Variants in SUFU observed in about 807,000 individuals in gnomAD.
The protein encoded by SUFU is SUFU negative regulator of hedgehog signaling.
Under a neutral mutation model 58.9 loss-of-function variants are expected in SUFU, and 7 were observed. The observed-to-expected ratio is 0.12, with a 90% confidence interval of 0.07 to 0.22. SUFU has a LOEUF of 0.22. Among genes scored for constraint, SUFU ranks in the 10% least tolerant of loss-of-function variants. The pLI, the probability that SUFU is intolerant of heterozygous loss-of-function variation, is 1.00. For missense variants in SUFU, 451 were observed against 641.3 expected, an observed-to-expected ratio of 0.70 and a Z score of 3.20; for synonymous variants, 232 against 254.8, an observed-to-expected ratio of 0.91 and a Z score of 0.85.
rs568463403 is a variant in SUFU, at chr10:102,504,449, A to C, written c.182+115A>C. The C allele has an allele frequency of 3.3e-4, 505 of 1,527,086 alleles. 4 individuals carry two copies. In the South Asian group the frequency reaches 5.6e-3, roughly 17 times the overall value. The allele number at this position is 1,527,086 out of a possible 1,614,324, so 94.6% of individuals were successfully genotyped here. A position where few individuals can be genotyped will look rare whatever the true frequency, so the allele number is the denominator to read the frequency against. ...GGGGTAGAGAATGGTTAAAGCACTC[A>C]GAAGGAGGGCTTCTTGCTGCGAGGG... On this transcript the variant is annotated intron_variant, in intron 1 of 11. Transcript: ENST00000369902.
At chr10:102,546,970 C>A (rs1226693407) in intron 2 of SUFU, among the ~76,000 whole-genome samples, 1 of 152,262 alleles carries the variant, frequency 6.6e-6, no homozygotes, top group Non-Finnish European at 1.5e-5. Context: ...CACGGACCCT[C>A]CTTAGTGAAG....
chr10:102,517,705 T>C (rs916014034), intron 2 of SUFU, among the ~76,000 whole-genome samples: 3 of 152,166 alleles, frequency 2.0e-5, no homozygotes, highest in Admixed American at 2.0e-4. Context: ...TCAGTTCTGA[T>C]GTTGTTCCTG....
rs575186454 is a variant in SUFU at position 102,541,978 on chromosome 10, G to T, written c.318-7992G>T. On this transcript the variant is annotated intron_variant, in intron 2 of 11. Coordinates refer to ENST00000369902, the MANE Select transcript of SUFU (RefSeq NM_016169.4). ...TGGCTCACTGCAACCTCTGCCTCCT[G>T]GGTTCAAGCAGTTCTCCTGCCTCAG... 2.8e-4 allele frequency among the ~76,000 whole-genome samples: 42 copies of T among 148,924 alleles called. No individual in the cohort carries two copies. In the Middle Eastern group the frequency reaches 0.011, roughly 39 times the overall value.
upstream of SUFU, chr10:102,503,927 G>GC (rs1564653974): frequency 1.1e-5 from 6 of 533,542 alleles, no homozygotes; most frequent in East Asian, 7.1e-5. Context: ...GTGCGCCGGC[G>GC]CCCCGCCCCC....
intron 2 of SUFU, among the ~76,000 whole-genome samples, chr10:102,509,874 G>C (rs1320416863): frequency 6.6e-6 from 1 of 151,968 alleles, no homozygotes; most frequent in African/African-American, 2.4e-5. Context: ...GTCTCACTCT[G>C]TCATCCAGGC....
intron 2 of SUFU, among the ~76,000 whole-genome samples, chr10:102,523,398 G>A (rs1341283543): frequency 1.3e-5 from 2 of 152,114 alleles, no homozygotes; most frequent in Non-Finnish European, 2.9e-5. Context: ...GGCTGCCCAC[G>A]GCCATGGCTG....
chr10:102,542,513 G>A lies in SUFU; in HGVS notation c.318-7457G>A, dbSNP rs192582788. 3.8e-3 allele frequency among the ~76,000 whole-genome samples: 575 copies of A among 151,998 alleles called. 1 individual carries two copies. Among genetic ancestry groups the A allele is most frequent in the Middle Eastern group, 6.8e-3 (2 of 292 alleles). On this transcript the variant is annotated intron_variant, in intron 2 of 11. Coordinates refer to ENST00000369902, the MANE Select transcript of SUFU (RefSeq NM_016169.4). ...TGGTCTTGAACTCCTGAACTCAGGT[G>A]ATCCACCTGCTTTGGCCTCCCAAAG...
At chr10:102,626,066 G>A (rs1029608296) in intron 10 of SUFU, among the ~76,000 whole-genome samples, 22 of 152,290 alleles carry the variant, frequency 1.4e-4, no homozygotes, top group African/African-American at 4.6e-4. Context: ...CAAGGTGTAC[G>A]GGAGAAGACA....
intron 8 of SUFU, among the ~76,000 whole-genome samples, chr10:102,609,474 C>T (rs948645840): frequency 3.3e-5 from 5 of 152,136 alleles, no homozygotes; most frequent in African/African-American, 2.4e-5. Flanking sequence ...AGCTGAAACT[C>T]AAGAACTGAG....
chr10:102,593,513 C>T (rs1016699765), intron 4 of SUFU, 123 bp from the exon 5 acceptor site: 4 of 985,632 alleles, frequency 4.1e-6, no homozygotes, highest in Non-Finnish European at 6.5e-6. Flanking sequence ...TGCACCAGCT[C>T]CTGAGCACAG....
chr10:102,608,285 C>G (rs2063583496), intron 8 of SUFU, among the ~76,000 whole-genome samples: 1 of 152,114 alleles, frequency 6.6e-6, no homozygotes, highest in African/African-American at 2.4e-5. Context: ...TGACAGTTGT[C>G]TCCGAGGAGG....
intron 2 of SUFU, among the ~76,000 whole-genome samples, chr10:102,527,222 T>C (rs1252264831): frequency 2.6e-5 from 4 of 151,974 alleles, no homozygotes; most frequent in Non-Finnish European, 4.4e-5. Context: ...CAGGATGGTC[T>C]CGATCTCCTG....
intron 3 of SUFU, chr10:102,573,367 C>G (rs1257468680): frequency 2.5e-6 from 1 of 398,596 alleles, no homozygotes; most frequent in Non-Finnish European, 4.7e-6. Context: ...GAAATTGGCA[C>G]CCTTGTACAC....
In SUFU at chr10:102,619,751, T is replaced by C. The variant is rs1377907666; in HGVS notation, c.1296+2323T>C. ...GCCGCCCCTGTTAGGGTCCTGCCAC[T>C]GTGGTCACAGGCAGCTCCCTTGCTT... On this transcript the variant is annotated intron_variant, in intron 10 of 11. Coordinates refer to ENST00000369902, the MANE Select transcript of SUFU (RefSeq NM_016169.4). The surrounding 1 kb of genome is among the most constrained non-coding windows in gnomAD (Gnocchi z 4.2). Among the ~76,000 whole-genome samples, 4 of 152,220 alleles carry C rather than the reference T, an allele frequency of 2.6e-5. No homozygotes were observed. In the East Asian group the frequency reaches 7.7e-4, roughly 29 times the overall value.
intron 3 of SUFU, among the ~76,000 whole-genome samples, chr10:102,586,738 G>A (rs1225890388): frequency 1.3e-5 from 2 of 152,202 alleles, no homozygotes; most frequent in African/African-American, 4.8e-5. Context: ...ATTTCTAAGT[G>A]TACAGTTCTG....
intron 10 of SUFU, among the ~76,000 whole-genome samples, chr10:102,626,513 A>AT (rs2063787332): frequency 6.6e-6 from 1 of 152,178 alleles, no homozygotes; most frequent in Non-Finnish European, 1.5e-5. Context: ...AGAAGGCTGG[A>AT]GGAACTCAGT....
intron 2 of SUFU, among the ~76,000 whole-genome samples, chr10:102,527,503 A>G (rs1242405797): frequency 6.6e-6 from 1 of 150,968 alleles, no homozygotes; most frequent in African/African-American, 2.4e-5. Flanking sequence ...ATTAAGATAT[A>G]TATATATATA....
intron 2 of SUFU, among the ~76,000 whole-genome samples, chr10:102,525,920 T>C (rs529222116): frequency 6.6e-6 from 1 of 152,292 alleles, no homozygotes; most frequent in East Asian, 1.9e-4. Flanking sequence ...TATATTCTTA[T>C]TGGAGAAACA....
At chr10:102,583,102 C>G (rs960329697) in intron 3 of SUFU, among the ~76,000 whole-genome samples, 2 of 152,196 alleles carry the variant, frequency 1.3e-5, no homozygotes, top group Non-Finnish European at 2.9e-5. Flanking sequence ...CCCACAGTGG[C>G]TCCAACAGAA....
Sources: allele counts gnomAD v4.1 joint callset (sites outside exome capture counted in the v4.1 genomes callset), GRCh38; gene constraint gnomAD v4.1.1; non-coding constraint Gnocchi (gnomAD v3.1); transcripts MANE v1.5; gene names NCBI Gene and HGNC (gene_info 2026-07-23, HGNC 2026-07-21).